The following SH3GL2 variants were observed in gnomAD, a reference collection of about 807,000 sequenced individuals.
SH3GL2 encodes endophilin-A1.
A neutral mutation model predicts 46.0 loss-of-function variants in SH3GL2; 24 were observed. The ratio of observed to expected loss-of-function variants is 0.52; its 90% CI spans 0.38 to 0.73. The LOEUF (loss-of-function observed/expected upper bound fraction) is 0.73, where lower values mean the gene tolerates loss of function less well. Among genes scored for constraint, SH3GL2 ranks in the 30% least tolerant of loss-of-function variants. SH3GL2 has a pLI of 0.00. For synonymous variants in SH3GL2, 196 were observed against 147.1 expected (o/e 1.33, Z -2.40); for missense variants, 413 against 424.2 (o/e 0.97, Z 0.23).
At chr9:17,581,946 G>A (rs541300558) in intron 1 of SH3GL2, among the ~76,000 whole-genome samples, 90 of 152,232 alleles carry the variant, frequency 5.9e-4, no homozygotes, top group African/African-American at 2.1e-3. Context: ...TGATCTGCCC[G>A]CCTCGATTAC....
chr9:17,704,297 C>G (rs1821413008), intron 1 of SH3GL2, among the ~76,000 whole-genome samples: 1 of 151,858 alleles, frequency 6.6e-6, no homozygotes, highest in African/African-American at 2.4e-5. Context: ...GGAGATAACT[C>G]AAAGAAATGG....
chr9:17,737,716 C>T (rs1179282763), intron 1 of SH3GL2, among the ~76,000 whole-genome samples: 1 of 152,060 alleles, frequency 6.6e-6, no homozygotes, highest in East Asian at 1.9e-4. Context: ...GGTTCTTTCC[C>T]TGCCTCGTCT....
chr9:17,654,164 C>T (rs928148761), intron 1 of SH3GL2, among the ~76,000 whole-genome samples: 1 of 152,132 alleles, frequency 6.6e-6, no homozygotes, highest in Non-Finnish European at 1.5e-5. Flanking sequence ...GGAAGAAAAC[C>T]AGATTGGAAA....
chr9:17,666,545 C>CGTGT (rs71331502), intron 1 of SH3GL2, among the ~76,000 whole-genome samples: 28,629 of 141,754 alleles, frequency 0.2, 3,233 homozygotes, highest in Non-Finnish European at 0.27. Context: ...ACAAAGGTAA[C>CGTGT]GTGTGTGTGT....
At position 17,640,021 on chromosome 9, in the gene SH3GL2, T is replaced by TG. The variant is rs1418840520; in HGVS notation, c.45+60735dup. Among the ~76,000 whole-genome samples the TG allele has an allele frequency of 5.3e-5, 8 of 152,246 alleles. No homozygotes were observed. In the East Asian group the frequency reaches 7.7e-4, roughly 15 times the overall value. On this transcript the variant is annotated intron_variant, in intron 1 of 8. Transcript: ENST00000380607. The stretch of plus-strand genomic sequence containing the variant: ...GAAAGTACCAGGAAACTTTTTAGGG[T>TG]GATAGTATTATTATTAATATATCTT...
chr9:17,596,523 C>T (rs1446087671), intron 1 of SH3GL2, among the ~76,000 whole-genome samples: 1 of 152,116 alleles, frequency 6.6e-6, no homozygotes, highest in African/African-American at 2.4e-5. Flanking sequence ...CCACGAGTCT[C>T]CTGGGCATCT....
At chr9:17,739,885 C>T (rs1442784780) in intron 1 of SH3GL2, among the ~76,000 whole-genome samples, 1 of 152,056 alleles carries the variant, frequency 6.6e-6, no homozygotes, top group East Asian at 1.9e-4. Context: ...CAGTGAACCA[C>T]ACCAGAAACA....
intron 1 of SH3GL2, among the ~76,000 whole-genome samples, chr9:17,630,983 A>T (rs780897090): frequency 1.3e-5 from 2 of 152,162 alleles, no homozygotes; most frequent in African/African-American, 4.8e-5. Flanking sequence ...TCCAATTAGG[A>T]TGATGGGGAG....
Position 17,616,726 on chromosome 9 carries a change from T to TA in SH3GL2, c.45+37440dup, listed in dbSNP as rs560336146. Reference sequence around the variant, plus strand: ...CAACCTTAAAAATCGTATCATTGAATATAGTAAGTCCCTTTTTTTTTGTTA... The same window carrying TA: ...CAACCTTAAAAATCGTATCATTGAATAATAGTAAGTCCCTTTTTTTTTGTTA... On this transcript the variant is annotated intron_variant, in intron 1 of 8. Coordinates refer to ENST00000380607, the MANE Select transcript of SH3GL2 (RefSeq NM_003026.5). 4.6e-5 allele frequency among the ~76,000 whole-genome samples: 7 copies of TA among 152,342 alleles called. No homozygotes were observed. The South Asian group carries it at 1.0e-3, about 23-fold the overall frequency.
At chr9:17,679,595 C>T (rs1233477593) in intron 1 of SH3GL2, among the ~76,000 whole-genome samples, 1 of 152,254 alleles carries the variant, frequency 6.6e-6, no homozygotes, top group East Asian at 1.9e-4. Flanking sequence ...TTGACTTCCT[C>T]TTTTCCTAAT....
At chr9:17,649,018 T>A (rs1399445343) in intron 1 of SH3GL2, among the ~76,000 whole-genome samples, 2 of 152,182 alleles carry the variant, frequency 1.3e-5, no homozygotes, top group African/African-American at 4.8e-5. Context: ...TGAGTGCATG[T>A]GTATAAAAAT....
intron 1 of SH3GL2, among the ~76,000 whole-genome samples, chr9:17,673,651 T>G (rs1041360502): frequency 6.6e-6 from 1 of 152,216 alleles, no homozygotes; most frequent in African/African-American, 2.4e-5. Context: ...CTTGTCCATC[T>G]TGATGTCTTG....
intron 1 of SH3GL2, among the ~76,000 whole-genome samples, chr9:17,669,614 AGTAGT>A (rs1345541805): frequency 6.6e-6 from 1 of 152,180 alleles, no homozygotes; most frequent in South Asian, 2.1e-4. Flanking sequence ...ATTGTTGAGT[AGTAGT>A]GTATGGTATG....
intron 1 of SH3GL2, among the ~76,000 whole-genome samples, chr9:17,653,406 C>T (rs1305170131): frequency 6.6e-6 from 1 of 152,022 alleles, no homozygotes; most frequent in East Asian, 1.9e-4. Flanking sequence ...GATTTTTTAT[C>T]TTATATCTCA....
At chr9:17,707,281 C>G (rs968700874) in intron 1 of SH3GL2, among the ~76,000 whole-genome samples, 1 of 152,018 alleles carries the variant, frequency 6.6e-6, no homozygotes, top group East Asian at 1.9e-4. Context: ...GCTGAAATAT[C>G]TTCCACTGGC....
intron 8 of SH3GL2, 99 bp downstream of exon 8, chr9:17,793,596 A>C: frequency 9.4e-7 from 1 of 1,062,316 alleles, no homozygotes; most frequent in Non-Finnish European, 1.4e-6. Flanking sequence ...CTGCATAGGA[A>C]ATATGCAGTA....
intron 1 of SH3GL2, among the ~76,000 whole-genome samples, chr9:17,628,869 G>A (rs1052384020): frequency 6.6e-6 from 1 of 152,040 alleles, no homozygotes; most frequent in African/African-American, 2.4e-5. Flanking sequence ...CATCAGAGAA[G>A]CTTTAGTATT....
In SH3GL2 at chr9:17,702,416, C is replaced by T. The variant is rs577564159; in HGVS notation, c.46-44650C>T. 2.0e-4 allele frequency among the ~76,000 whole-genome samples: 30 copies of T among 151,370 alleles called. No homozygotes were observed. The South Asian group carries it at 2.3e-3, about 12-fold the overall frequency. ...AAGGAAAGAATCAGGATATATGTACCGATATAAAGAGGAGAAATGTTGCAC... is the reference window on the plus strand; with the variant it reads ...AAGGAAAGAATCAGGATATATGTACTGATATAAAGAGGAGAAATGTTGCAC... On this transcript the variant is annotated intron_variant, in intron 1 of 8. Coordinates refer to ENST00000380607, the MANE Select transcript of SH3GL2 (RefSeq NM_003026.5).
At chr9:17,794,771 T>G (rs772909268) in intron 8 of SH3GL2, among the ~76,000 whole-genome samples, 78 of 152,180 alleles carry the variant, frequency 5.1e-4, no homozygotes, top group Non-Finnish European at 1.0e-3. Context: ...GTGGAGTACA[T>G]TATTTTTGTA....
Sources: allele counts gnomAD v4.1 joint callset (sites outside exome capture counted in the v4.1 genomes callset), GRCh38; gene constraint gnomAD v4.1.1; transcripts MANE v1.5; gene names NCBI Gene and HGNC (gene_info 2026-07-23, HGNC 2026-07-21).